SZT2: variants seen among roughly 807,000 people sequenced by gnomAD.
SZT2 encodes the protein SZT2 subunit of KICSTOR complex, also known as KICSTOR complex protein SZT2.
A neutral mutation model predicts 404.2 loss-of-function variants in SZT2; 216 were observed. The observed-to-expected ratio is 0.53, with a 90% confidence interval of 0.48 to 0.60. The LOEUF (loss-of-function observed/expected upper bound fraction) is 0.60. Among genes scored for constraint, SZT2 ranks in the 20% least tolerant of loss-of-function variants. The pLI is 0.00. For missense variants in SZT2, 3,857 were observed against 4,459.2 expected, an observed-to-expected ratio of 0.86 and a Z score of 3.85; for synonymous variants, 1,693 against 1,749.9, an observed-to-expected ratio of 0.97 and a Z score of 0.81.
rs765555116 is a variant in SZT2 at position 43,431,719 on chromosome 1, C to T, written c.5092C>T (p.Arg1698Cys). 1.2e-5 allele frequency: 19 copies of T among 1,613,926 alleles called. No homozygotes were observed. Among genetic ancestry groups the T allele is most frequent in the East Asian group, 4.5e-5 (2 of 44,880 alleles). ...GTCACTTGCTGTCTAACTGTAGATC[C>T]GCTGGTTGTTGGAAGATGAGATGGT... ...LAIETTMNEI[R>C]WLLEDEMVGA... is the part of the protein sequence containing the mutation. Residue 1698 changes from arginine (R) to cysteine (C), a missense_variant, in exon 36 of 72, where the codon CGC (arginine) becomes TGC (cysteine). This residue lies in a region of SZT2 where 1,725 missense variants were observed against 1,881.0 expected (regional missense o/e 0.92). Transcript: ENST00000634258.
rs756296893 is a variant in SZT2, at chr1:43,426,752, G to A, written c.3252G>A (p.Pro1084=). 3.7e-5 allele frequency: 59 copies of A among 1,613,532 alleles called. 2 individuals carry two copies. The South Asian group carries it at 4.7e-4, about 13-fold the overall frequency. ...EGPLLGVHGI[P]KEQAVGSTQA... is the part of the protein sequence containing the mutation. ...CACTGCTGGGGGTTCATGGGATCCC[G>A]AAGGAGCAAGCAGTCGGCAGCACCC... is the stretch of plus-strand genomic sequence containing the variant. Residue 1084 remains proline (P), a synonymous_variant, in exon 23 of 72, where the codon CCG becomes CCA. Transcript: ENST00000634258. The surrounding 1 kb of genome is among the most constrained non-coding windows in gnomAD (Gnocchi z 4.9).
In SZT2 at chr1:43,443,238, C is replaced by T. The variant is rs1456428292; in HGVS notation, c.8470C>T (p.Arg2824Cys). The T allele has an allele frequency of 6.8e-6, 11 of 1,614,060 alleles. No individual in the cohort carries two copies. The highest frequency in any genetic ancestry group is 2.2e-5 in the East Asian group (1 of 44,892). The change falls in exon 60 of 72, where the codon CGT (arginine) becomes TGT (cysteine). Residue 2824 changes from arginine (R) to cysteine (C), a missense_variant. This residue lies in a region of SZT2 where 717 missense variants were observed against 868.2 expected (regional missense o/e 0.83). Transcript: ENST00000634258. ...MENLFVTWQQ[R>C]STPATMPISA... ...AAACCTGTTTGTAACCTGGCAGCAG[C>T]GTTCTACCCCAGCCACCATGCCCAT...
In SZT2 at chr1:43,442,286, G is replaced by A. The variant is rs769989601; in HGVS notation, c.7892G>A (p.Arg2631His). The part of the protein sequence containing the change: ...PTQQAAKAMQ[R>H]FEPGGDGSSG... Reference sequence around the variant, plus strand: ...CCTGTAGCTGCCAAAGCCATGCAGCGCTTCGAGCCAGGAGGTGATGGGAGC... The same window carrying A: ...CCTGTAGCTGCCAAAGCCATGCAGCACTTCGAGCCAGGAGGTGATGGGAGC... Residue 2631 changes from arginine to histidine, a missense_variant, in exon 57 of 72, where the codon CGC becomes CAC. Coordinates refer to ENST00000634258, the MANE Select transcript of SZT2 (RefSeq NM_001365999.1). The surrounding 1 kb of genome is among the most constrained non-coding windows in gnomAD (Gnocchi z 4.5). 27 of 1,613,724 alleles carry A rather than the reference G, an allele frequency of 1.7e-5. No individual in the cohort carries two copies. The highest frequency in any genetic ancestry group is 2.3e-5 in the Non-Finnish European group (27 of 1,179,856).
Position 43,440,483 on chromosome 1 carries a change from A to G in SZT2, c.7241A>G (p.Lys2414Arg). 1 of 1,604,120 alleles carries G rather than the reference A, an allele frequency of 6.2e-7. No homozygotes were observed. The highest frequency in any genetic ancestry group is 8.5e-7 in the Non-Finnish European group (1 of 1,175,604). Residue 2414 changes from lysine to arginine, a missense_variant, in exon 52 of 72, where the codon AAG becomes AGG. By Grantham distance (26) the Lys-to-Arg change is conservative (BLOSUM62 2). This residue lies in a region of SZT2 where 573 missense variants were observed against 592.4 expected (regional missense o/e 0.97). Coordinates refer to ENST00000634258, the MANE Select transcript of SZT2 (RefSeq NM_001365999.1). The stretch of plus-strand genomic sequence containing the variant: ...CTCAGGAACGGATCGTTGGAAACTA[A>G]GAGCTCTGCAGGCCGAGCTAGCACC... ...GSLRNGSLET[K>R]SSAGRASTFP... is the part of the protein sequence containing the mutation.
rs149831634 is a variant in SZT2 at position 43,431,510 on chromosome 1, C to T, written c.5075C>T (p.Thr1692Ile). The T allele has an allele frequency of 1.4e-3, 2,215 of 1,614,166 alleles. 8 individuals are homozygous for T. The highest frequency in any genetic ancestry group is 1.1e-3 in the Non-Finnish European group (1,353 of 1,180,020). Residue 1692 changes from threonine to isoleucine, a missense_variant, in exon 35 of 72, where the codon ACC becomes ATC. By Grantham distance (89) the Thr-to-Ile change is moderately conservative. Coordinates refer to ENST00000634258, the MANE Select transcript of SZT2 (RefSeq NM_001365999.1). ...LATPHRLAIE[T>I]TMNEIRWLLE... ...ACGCCCCACAGACTGGCTATTGAGA[C>T]CACCATGAATGAGGTGAGCCCCCCA...
chr1:43,443,598 G>A lies in SZT2; in HGVS notation c.8627G>A (p.Arg2876Gln), dbSNP rs768708927. The A allele has an allele frequency of 1.3e-5, 21 of 1,613,960 alleles. No individual in the cohort carries two copies. The highest frequency in any genetic ancestry group is 8.9e-5 in the East Asian group (4 of 44,894). The change falls in exon 62 of 72, where the codon CGG (arginine) becomes CAG (glutamine). Residue 2876 changes from arginine to glutamine, a missense_variant and splice_region_variant. Coordinates refer to ENST00000634258, the MANE Select transcript of SZT2 (RefSeq NM_001365999.1). ...CTTCCTTGATCTTTACTCTCATAGC[G>A]GCGCCATCGCCCTGAGTCAGGGTCT... ...PETSGPPDGQ[R>Q]RHRPESGSGS...
At chr1:43,399,645 T>C (rs1649437655) in intron 1 of SZT2, among the ~76,000 whole-genome samples, 1 of 152,022 alleles carries the variant, frequency 6.6e-6, no homozygotes, top group African/African-American at 2.4e-5. Context: ...GTATTTTTAG[T>C]AGAGACGGGG....
Position 43,425,759 on chromosome 1 carries a change from C to A in SZT2, c.2815-76C>A. The A allele has an allele frequency of 6.3e-7, 1 of 1,592,418 alleles. No homozygotes were observed. Among genetic ancestry groups the A allele is most frequent in the Non-Finnish European group, 8.6e-7 (1 of 1,164,022 alleles). ...CTCTGAATGGCTGGGACTGTTGAAG[C>A]TTCCTGAAGAGCTGGAACCCAGGGT... On this transcript the variant is annotated intron_variant, in intron 19 of 71. Transcript: ENST00000634258. This position sits in a 1 kb window ranked among gnomAD's most constrained non-coding sequence, Gnocchi z 4.3.
chr1:43,410,194 A>G (rs1014000373), intron 4 of SZT2: 2 of 152,210 alleles, frequency 1.3e-5, no homozygotes, highest in Non-Finnish European at 2.9e-5. Context: ...GGAAGACTGG[A>G]TATTCATATG....
In SZT2 at chr1:43,425,278, G is replaced by C; in HGVS notation, c.2645+71G>C. 2 of 1,580,628 alleles carry C rather than the reference G, an allele frequency of 1.3e-6. No homozygotes were observed. Among genetic ancestry groups the C allele is most frequent in the Admixed American group, 3.4e-5 (2 of 58,712 alleles). On this transcript the variant is annotated intron_variant, in intron 18 of 71. Transcript: ENST00000634258. This position sits in a 1 kb window ranked among gnomAD's most constrained non-coding sequence, Gnocchi z 4.3. ...CTCCCCACCATCCCCTAGAGGTCTG[G>C]CTCCCATATCCTGAGATGATCTTGA...
At chr1:43,419,608 T>C (rs1652100501) in intron 7 of SZT2, 126 bp from the exon 8 acceptor site, 1 of 736,592 alleles carries the variant, frequency 1.4e-6, no homozygotes, top group East Asian at 2.7e-5. Flanking sequence ...GGGAAAACAC[T>C]GGCCTACTTC....
intron 42 of SZT2, chr1:43,436,934 T>C (rs1236630527): frequency 3.6e-6 from 2 of 561,504 alleles, no homozygotes; most frequent in Non-Finnish European, 3.1e-6. Context: ...TCTCATTAGC[T>C]CCTTCTCTAA....
intron 70 of SZT2, chr1:43,449,231 T>A (rs1257795195): frequency 6.0e-6 from 1 of 166,380 alleles, no homozygotes; most frequent in African/African-American, 2.4e-5. Flanking sequence ...AAAGGACAGG[T>A]AGAGAGAACT....
At position 43,441,110 on chromosome 1, in the gene SZT2, C is replaced by A; in HGVS notation, c.7345-104C>A. On this transcript the variant is annotated intron_variant, in intron 52 of 71. Coordinates refer to ENST00000634258, the MANE Select transcript of SZT2 (RefSeq NM_001365999.1). The surrounding 1 kb of genome is among the most constrained non-coding windows in gnomAD (Gnocchi z 4.8). Reference sequence around the variant, plus strand: ...GCCCCTGGGGAAGCCAGGGTCTGAACCCAGACCTCTGAATCCTCCTAGCTC... The same window carrying A: ...GCCCCTGGGGAAGCCAGGGTCTGAAACCAGACCTCTGAATCCTCCTAGCTC... 6.9e-7 allele frequency: 1 copy of A among 1,441,732 alleles called. No homozygotes were observed. Among genetic ancestry groups the A allele is most frequent in the Non-Finnish European group, 9.4e-7 (1 of 1,060,682 alleles). The allele number at this position is 1,441,732 out of a possible 1,614,324, so 89.3% of individuals were successfully genotyped here.
At chr1:43,433,392 G>C (rs1225793836) in intron 40 of SZT2, among the ~76,000 whole-genome samples, 1 of 152,216 alleles carries the variant, frequency 6.6e-6, no homozygotes, top group Non-Finnish European at 1.5e-5. Flanking sequence ...CTGTCTTATA[G>C]ATGAGAGTCG....
Position 43,451,352 on chromosome 1 carries a change from A to G in SZT2, c.*872A>G, listed in dbSNP as rs1656384010. 2 of 1,612,546 alleles carry G rather than the reference A, an allele frequency of 1.2e-6. No individual in the cohort carries two copies. Among genetic ancestry groups the G allele is most frequent in the African/African-American group, 2.7e-5 (2 of 74,918 alleles). On this transcript the variant is annotated 3_prime_UTR_variant, in exon 72 of 72. Coordinates refer to ENST00000634258, the MANE Select transcript of SZT2 (RefSeq NM_001365999.1). ...GGCCTCGGCACCTCAGCCCACAAGG[A>G]GAAAACAGCCCCTGTCCGGGTCCCT...
chr1:43,425,732 C>T lies in SZT2; in HGVS notation c.2814+90C>T. Reference sequence around the variant, plus strand: ...TACTGCAGTCTGTGGGCTTCCTGGTCCCTCTGAATGGCTGGGACTGTTGAA... The same window carrying T: ...TACTGCAGTCTGTGGGCTTCCTGGTTCCTCTGAATGGCTGGGACTGTTGAA... On this transcript the variant is annotated intron_variant, in intron 19 of 71. Coordinates refer to ENST00000634258, the MANE Select transcript of SZT2 (RefSeq NM_001365999.1). The surrounding 1 kb of genome is among the most constrained non-coding windows in gnomAD (Gnocchi z 4.3). 1 of 1,593,678 alleles carries T rather than the reference C, an allele frequency of 6.3e-7. No homozygotes were observed. Among genetic ancestry groups the T allele is most frequent in the Non-Finnish European group, 8.6e-7 (1 of 1,166,582 alleles).
intron 4 of SZT2, among the ~76,000 whole-genome samples, chr1:43,414,705 A>T (rs1489847164): frequency 6.6e-6 from 1 of 152,240 alleles, no homozygotes; most frequent in African/African-American, 2.4e-5. Flanking sequence ...AGCATTAAAA[A>T]GTATGAGAAT....
At position 43,420,912 on chromosome 1, in the gene SZT2, T is replaced by C. The variant is rs759340967; in HGVS notation, c.1425T>C (p.Cys475=). 17 of 1,598,450 alleles carry C rather than the reference T, an allele frequency of 1.1e-5. No homozygotes were observed. The highest frequency in any genetic ancestry group is 1.4e-5 in the Non-Finnish European group (17 of 1,179,808). The part of the protein sequence containing the change: ...GGYDILHDVS[C]ALRQPIRSLY... ...ACGACATTTTGCATGATGTGTCCTG[T>C]GCACTAAGGCAGCCCATTCGTTCAT... Residue 475 remains cysteine (C), a synonymous_variant, in exon 10 of 72, where the codon TGT becomes TGC. Coordinates refer to ENST00000634258, the MANE Select transcript of SZT2 (RefSeq NM_001365999.1). This position sits in a 1 kb window ranked among gnomAD's most constrained non-coding sequence, Gnocchi z 5.1.
Sources: gnomAD v4.1 joint callset for allele counts (sites outside exome capture counted in the v4.1 genomes callset) on GRCh38, gnomAD v4.1.1 for gene constraint, gnomAD v4.1.1 regional missense constraint, Gnocchi (gnomAD v3.1) non-coding constraint, MANE v1.5 for transcripts, NCBI Gene and HGNC (gene_info 2026-07-23, HGNC 2026-07-21) for gene names.